The following GLP2R variants were observed in gnomAD, a reference collection of about 807,000 sequenced individuals.
GLP2R encodes the protein glucagon-like peptide 2 receptor.
A neutral mutation model predicts 68.2 loss-of-function variants in GLP2R; 59 were observed. That is an observed-to-expected ratio of 0.87 (90% CI 0.70 to 1.07). The LOEUF (loss-of-function observed/expected upper bound fraction) is 1.07. Ranked by LOEUF, GLP2R falls within the 50% of genes least tolerant of loss-of-function variation. The pLI is 0.00. For synonymous variants in GLP2R, 270 were observed against 265.4 expected (o/e 1.02, Z -0.17); for missense variants, 548 against 677.4 (o/e 0.81, Z 2.12).
At chr17:9,874,719 G>A (rs889399908) in intron 10 of GLP2R, among the ~76,000 whole-genome samples, 5 of 152,192 alleles carry the variant, frequency 3.3e-5, no homozygotes, top group Non-Finnish European at 5.9e-5. Flanking sequence ...GGAAGGTGGG[G>A]ATGGGGTAGA....
At chr17:9,836,070 A>T (rs1179192588) in intron 2 of GLP2R, among the ~76,000 whole-genome samples, 1 of 151,962 alleles carries the variant, frequency 6.6e-6, no homozygotes, top group Non-Finnish European at 1.5e-5. Flanking sequence ...AGAAAGAAAG[A>T]AAGTTTAGTT....
Position 9,854,408 on chromosome 17 carries a change from G to A in GLP2R, c.505-87G>A, listed in dbSNP as rs928718254. ...AAAAATGTTGGGAGTCCATGCCTAG[G>A]CCCTTGGTGGCCCTGGGTGTGGAGC... is the stretch of plus-strand genomic sequence containing the variant. On this transcript the variant is annotated intron_variant, in intron 4 of 12. Coordinates refer to ENST00000262441, the MANE Select transcript of GLP2R (RefSeq NM_004246.3). The A allele has an allele frequency of 3.8e-6, 3 of 795,864 alleles. No individual in the cohort carries two copies. In the African/African-American group the frequency reaches 5.1e-5, roughly 14 times the overall value. 49.3% of individuals were successfully genotyped at this position (795,864 alleles called of 1,614,324 possible). A position where few individuals can be genotyped will look rare whatever the true frequency, so the allele number is the denominator to read the frequency against.
rs988447278 is a variant in GLP2R, at chr17:9,891,099, T to A, written c.*1394T>A. 1 of 152,164 alleles carries A rather than the reference T, an allele frequency of 6.6e-6. No individual in the cohort carries two copies. Among genetic ancestry groups the A allele is most frequent in the African/African-American group, 2.4e-5 (1 of 41,432 alleles). 9.4% of individuals were successfully genotyped at this position (152,164 alleles called of 1,614,324 possible). A position where few individuals can be genotyped will look rare whatever the true frequency, so the allele number is the denominator to read the frequency against. On this transcript the variant is annotated 3_prime_UTR_variant, in exon 13 of 13. Transcript: ENST00000262441. ...GTCTTCGGGGGAGTCAGTTTGATAC[T>A]CCTCAAGCAGGGCTGCCATATTTAG...
At chr17:9,883,700 T>A (rs550428655) in intron 11 of GLP2R, among the ~76,000 whole-genome samples, 1 of 152,196 alleles carries the variant, frequency 6.6e-6, no homozygotes, top group Non-Finnish European at 1.5e-5. Context: ...GGCAGTGGTA[T>A]AAAATATTCA....
chr17:9,853,188 G>C (rs1191548722), intron 4 of GLP2R: 1 of 394,246 alleles, frequency 2.5e-6, no homozygotes, highest in Non-Finnish European at 4.7e-6. Flanking sequence ...AAAGATAAGT[G>C]GTGTTCCTTT....
intron 1 of GLP2R, among the ~76,000 whole-genome samples, chr17:9,831,846 C>T (rs561086673): frequency 3.2e-4 from 48 of 152,102 alleles, no homozygotes; most frequent in Admixed American, 3.1e-3. Context: ...GAGGTGGGGT[C>T]GATGGAACCT....
chr17:9,865,906 C>A (rs2067032128), intron 9 of GLP2R: 1 of 471,014 alleles, frequency 2.1e-6, no homozygotes, highest in Non-Finnish European at 4.4e-6. Flanking sequence ...AGACATTTAA[C>A]CATGAACTTG....
chr17:9,836,564 A>G (rs1183727552), intron 3 of GLP2R, 89 bp downstream of exon 3: 2 of 727,184 alleles, frequency 2.8e-6, no homozygotes, highest in Non-Finnish European at 5.0e-6. Context: ...CTAAGCTCTC[A>G]GTAATACATC....
chr17:9,853,362 G>C, intron 4 of GLP2R: 1 of 173,456 alleles, frequency 5.8e-6, no homozygotes. Flanking sequence ...ATAAATGACT[G>C]CTGCTCCAGG....
intron 3 of GLP2R, among the ~76,000 whole-genome samples, chr17:9,837,985 G>A (rs1056317539): frequency 2.0e-5 from 3 of 152,162 alleles, no homozygotes; most frequent in Non-Finnish European, 4.4e-5. Flanking sequence ...TGTTTAGAAG[G>A]AAGATACATT....
chr17:9,851,382 A>G (rs2066890146), intron 4 of GLP2R, among the ~76,000 whole-genome samples: 1 of 152,052 alleles, frequency 6.6e-6, no homozygotes, highest in African/African-American at 2.4e-5. Flanking sequence ...GCATTATTGA[A>G]TAATACAATT....
intron 3 of GLP2R, among the ~76,000 whole-genome samples, chr17:9,838,231 T>C (rs1412620341): frequency 2.0e-5 from 3 of 152,152 alleles, no homozygotes; most frequent in Admixed American, 1.3e-4. Flanking sequence ...CCCTCTGTTT[T>C]ACACTTTGGA....
intron 9 of GLP2R, chr17:9,867,035 AAAC>A (rs1246216049): frequency 1.3e-5 from 2 of 152,248 alleles, no homozygotes; most frequent in Non-Finnish European, 2.9e-5. Context: ...TGTTCTACTT[AAAC>A]TGAAGTAAGA....
Position 9,854,539 on chromosome 17 carries a change from C to T in GLP2R, c.549C>T (p.Thr183=), listed in dbSNP as rs940014725. 43 of 1,612,542 alleles carry T rather than the reference C, an allele frequency of 2.7e-5. No homozygotes were observed. Among genetic ancestry groups the T allele is most frequent in the Non-Finnish European group, 3.4e-5 (40 of 1,178,686 alleles). ...ALLSTLQLMY[T]VGYSFSLISL... is the part of the protein sequence containing the mutation. ...TGTCAACCTTGCAGCTGATGTACAC[C>T]GTGGGATACTCCTTCTCTCTTATCT... Residue 183 remains threonine, a synonymous_variant, in exon 5 of 13, where the codon ACC becomes ACT. Coordinates refer to ENST00000262441, the MANE Select transcript of GLP2R (RefSeq NM_004246.3).
At chr17:9,889,321 T>C (rs1401113069) in intron 12 of GLP2R, 49 bp from the exon 13 acceptor site, 8 of 1,301,022 alleles carry the variant, frequency 6.1e-6, no homozygotes, top group Non-Finnish European at 8.8e-6. Flanking sequence ...AATGGACACA[T>C]GGCTAAATGA....
chr17:9,849,714 G>A (rs1567724066), intron 4 of GLP2R, among the ~76,000 whole-genome samples: 1 of 140,468 alleles, frequency 7.1e-6, no homozygotes, highest in Non-Finnish European at 1.5e-5. Context: ...CTGGGTTCAC[G>A]CCATTCTCCT....
At chr17:9,887,187 T>C (rs1026085345) in intron 11 of GLP2R, among the ~76,000 whole-genome samples, 3 of 145,534 alleles carry the variant, frequency 2.1e-5, no homozygotes, top group African/African-American at 7.7e-5. Context: ...GCTCAGAGAG[T>C]AGGGAGGGTC....
intron 1 of GLP2R, among the ~76,000 whole-genome samples, chr17:9,831,662 G>A (rs2152029454): frequency 6.6e-6 from 1 of 152,284 alleles, no homozygotes; most frequent in African/African-American, 2.4e-5. Context: ...GGACAAGGAT[G>A]GCTGAGATGC....
At position 9,825,927 on chromosome 17, in the gene GLP2R, C is replaced by T. The variant is rs1485272392; in HGVS notation, c.-137C>T. The T allele has an allele frequency of 8.4e-6, 6 of 717,298 alleles. No homozygotes were observed. In the East Asian group the frequency reaches 1.7e-4, roughly 20 times the overall value. 44.4% of individuals were successfully genotyped at this position (717,298 alleles called of 1,614,324 possible). A position where few individuals can be genotyped will look rare whatever the true frequency, so the allele number is the denominator to read the frequency against. ...GTAGATTGCTCTAGACCGCCTCAGA[C>T]ACTCTCGGCGCAGCGTGGAGAGGAT... On this transcript the variant is annotated 5_prime_UTR_variant, in exon 1 of 13. Coordinates refer to ENST00000262441, the MANE Select transcript of GLP2R (RefSeq NM_004246.3).
Sources: allele counts gnomAD v4.1 joint callset (sites outside exome capture counted in the v4.1 genomes callset), GRCh38; gene constraint gnomAD v4.1.1; transcripts MANE v1.5; gene names NCBI Gene and HGNC (gene_info 2026-07-23, HGNC 2026-07-21).